Variants in TUBGCP3 observed in about 807,000 individuals in gnomAD.
The protein encoded by TUBGCP3 is gamma-tubulin complex component 3.
In TUBGCP3, 50 loss-of-function variants were observed where a neutral mutation model predicts 123.1. The observed-to-expected ratio is 0.41, with a 90% CI of 0.32 to 0.51. The LOEUF is 0.51. Among genes scored for constraint, TUBGCP3 ranks in the 20% least tolerant of loss-of-function variants. The pLI is 0.36. For synonymous variants in TUBGCP3, 405 were observed against 413.9 expected (o/e 0.98, Z 0.26); for missense variants, 882 against 1,127.0 (o/e 0.78, Z 3.11).
At position 112,485,131 on chromosome 13, in the gene TUBGCP3, G is replaced by T. The variant is rs1385052893; in HGVS notation, c.*862C>A. The T allele has an allele frequency of 1.3e-5, 2 of 152,182 alleles. No homozygotes were observed. 9.4% of individuals were successfully genotyped at this position (152,182 alleles called of 1,614,324 possible). A position where few individuals can be genotyped will look rare whatever the true frequency, so the allele number is the denominator to read the frequency against. On this transcript the variant is annotated 3_prime_UTR_variant, in exon 22 of 22. Transcript: ENST00000261965. ...CCCCCCCACCCCAACATCTTGGTCA[G>T]TAGTATATAAATATTTACAATGAAA...
In TUBGCP3 at chr13:112,547,643, G is replaced by A. The variant is rs138653554; in HGVS notation, c.1145C>T (p.Ala382Val). 6 of 1,564,710 alleles carry A rather than the reference G, an allele frequency of 3.8e-6. No homozygotes were observed. The highest frequency in any genetic ancestry group is 1.4e-5 in the African/African-American group (1 of 72,564). Residue 382 changes from alanine to valine, a missense_variant, in exon 10 of 22, where the codon GCG becomes GTG. By Grantham distance (64) the Ala-to-Val change is moderately conservative. Around this residue, in one of 3 missense-constraint regions of TUBGCP3, gnomAD observed 713 missense variants for 874.0 expected, o/e 0.82. Coordinates refer to ENST00000261965, the MANE Select transcript of TUBGCP3 (RefSeq NM_006322.6). The stretch of plus-strand genomic sequence containing the variant: ...ACCTTGGCAGTGGTCCACTAGGGCC[G>A]CAAGGGTCTTCAGTCGTATTTTGGG... ...YDPKIRLKTL[A>V]ALVDHCQGRK...
intron 11 of TUBGCP3, among the ~76,000 whole-genome samples, chr13:112,541,361 G>A (rs1431138950): frequency 6.6e-6 from 1 of 152,056 alleles, no homozygotes; most frequent in African/African-American, 2.4e-5. Context: ...GGCCAACATG[G>A]TGAAATCCCG....
At chr13:112,591,731 A>G (rs1882886631), upstream of TUBGCP3, among the ~76,000 whole-genome samples, 1 of 152,260 alleles carries the variant, frequency 6.6e-6, no homozygotes, top group African/African-American at 2.4e-5. Context: ...TCACTGGCCT[A>G]TGAATGATAC....
At chr13:112,530,566 T>C (rs1045104006) in intron 11 of TUBGCP3, among the ~76,000 whole-genome samples, 1 of 152,264 alleles carries the variant, frequency 6.6e-6, no homozygotes. Flanking sequence ...GAGGCCCGCT[T>C]TCTCAACCCA....
chr13:112,531,451 T>C (rs6577087), intron 11 of TUBGCP3, among the ~76,000 whole-genome samples: 66,721 of 152,094 alleles, frequency 0.44, 18,879 homozygotes, highest in African/African-American at 0.81. Context: ...ATCTCGGCAG[T>C]GACGAAGTCA....
At chr13:112,560,168 C>T (rs1236022856) in intron 3 of TUBGCP3, among the ~76,000 whole-genome samples, 4 of 150,790 alleles carry the variant, frequency 2.7e-5, no homozygotes, top group African/African-American at 7.3e-5. Context: ...CGGTGGCTCA[C>T]GCCTGTAATC....
intron 1 of TUBGCP3, among the ~76,000 whole-genome samples, chr13:112,576,245 C>T (rs1284086711): frequency 1.3e-5 from 2 of 152,140 alleles, no homozygotes; most frequent in Admixed American, 6.6e-5. Context: ...AAAACTGCTA[C>T]TCCTTTCTCT....
rs1332710465 is a variant in TUBGCP3 at position 112,545,147 on chromosome 13, G to A, written c.1335+552C>T. On this transcript the variant is annotated intron_variant, in intron 11 of 21. Coordinates refer to ENST00000261965, the MANE Select transcript of TUBGCP3 (RefSeq NM_006322.6). This position sits in a 1 kb window ranked among gnomAD's most constrained non-coding sequence, Gnocchi z 4.1. ...TTAAACTGCACTACAACTTTTGTTA[G>A]ATTCCTGTCTTACTGACAAAGGTTT... The A allele has an allele frequency of 9.8e-5, 15 of 153,690 alleles. 1 individual carries two copies. In the East Asian group the frequency reaches 2.9e-3, roughly 29 times the overall value. The allele number at this position is 153,690 out of a possible 1,614,324, so 9.5% of individuals were successfully genotyped here.
intron 11 of TUBGCP3, among the ~76,000 whole-genome samples, chr13:112,533,594 A>G (rs1466363907): frequency 6.6e-6 from 1 of 151,992 alleles, no homozygotes; most frequent in African/African-American, 2.4e-5. Context: ...AACAAACCAC[A>G]GCACCCGTGC....
intron 17 of TUBGCP3, among the ~76,000 whole-genome samples, chr13:112,507,971 AAAC>A (rs1434497634): frequency 3.9e-5 from 6 of 152,260 alleles, no homozygotes; most frequent in Admixed American, 1.3e-4. Flanking sequence ...AATGGCCACA[AAAC>A]AAAACAAACC....
chr13:112,553,557 A>G (rs9604359), intron 8 of TUBGCP3, among the ~76,000 whole-genome samples: 68,380 of 152,148 alleles, frequency 0.45, 19,780 homozygotes, highest in African/African-American at 0.83. Context: ...CCAACCATGC[A>G]CTGTGCCATC....
intron 1 of TUBGCP3, among the ~76,000 whole-genome samples, chr13:112,582,478 A>C (rs1463277077): frequency 6.6e-6 from 1 of 152,192 alleles, no homozygotes; most frequent in African/African-American, 2.4e-5. Flanking sequence ...CCTTGCAGGA[A>C]ACACCGTTAG....
chr13:112,573,584 C>T (rs1487434698), intron 1 of TUBGCP3, among the ~76,000 whole-genome samples: 1 of 152,210 alleles, frequency 6.6e-6, no homozygotes, highest in Non-Finnish European at 1.5e-5. Flanking sequence ...AACTCCCACC[C>T]TCAGTACAAG....
At chr13:112,490,156 G>A (rs2139184115) in intron 20 of TUBGCP3, among the ~76,000 whole-genome samples, 1 of 152,284 alleles carries the variant, frequency 6.6e-6, no homozygotes, top group East Asian at 1.9e-4. Flanking sequence ...GTACTTTTTG[G>A]TACTGGAGAT....
intron 20 of TUBGCP3, among the ~76,000 whole-genome samples, chr13:112,496,863 G>C (rs1226985416): frequency 6.6e-6 from 1 of 152,060 alleles, no homozygotes; most frequent in Non-Finnish European, 1.5e-5. Context: ...GCAGGCACCT[G>C]TAGTCCCAGC....
At chr13:112,504,000 G>C in intron 19 of TUBGCP3, 32 bp downstream of exon 19, 1 of 1,559,024 alleles carries the variant, frequency 6.4e-7, no homozygotes, top group East Asian at 2.3e-5. Flanking sequence ...GATTCTTTTG[G>C]TTTCTTGTTT....
intron 8 of TUBGCP3, among the ~76,000 whole-genome samples, chr13:112,552,696 G>A (rs1594188409): frequency 1.3e-5 from 2 of 152,134 alleles, no homozygotes; most frequent in Admixed American, 1.3e-4. Flanking sequence ...GGGCTGCCTC[G>A]CTTCAAAGCT....
chr13:112,486,179 T>C (rs1489817170), intron 21 of TUBGCP3, 28 bp from the exon 22 acceptor site: 2 of 1,609,386 alleles, frequency 1.2e-6, no homozygotes, highest in Non-Finnish European at 1.7e-6. Flanking sequence ...GAGTAAAATA[T>C]TGTTTCAGAA....
chr13:112,523,682 G>C (rs752686261), intron 13 of TUBGCP3, among the ~76,000 whole-genome samples: 17 of 152,188 alleles, frequency 1.1e-4, no homozygotes, highest in Non-Finnish European at 2.1e-4. Flanking sequence ...TCATTCCAAA[G>C]AGAAGGTTTG....
Sources: allele counts gnomAD v4.1 joint callset (sites outside exome capture counted in the v4.1 genomes callset), GRCh38; gene constraint gnomAD v4.1.1; regional missense constraint gnomAD v4.1.1; non-coding constraint Gnocchi (gnomAD v3.1); transcripts MANE v1.5; gene names NCBI Gene and HGNC (gene_info 2026-07-23, HGNC 2026-07-21).